ASTN1: variants seen among roughly 807,000 people sequenced by gnomAD.
ASTN1 encodes astrotactin 1.
A neutral mutation model predicts 140.7 loss-of-function variants in ASTN1; 41 were observed. The ratio of observed to expected loss-of-function variants is 0.29; its 90% CI spans 0.23 to 0.38. ASTN1 has a LOEUF of 0.38. ASTN1 is among the 10% of genes least tolerant of loss of function. The pLI, the probability that ASTN1 is intolerant of heterozygous loss-of-function variation, is 1.00. For synonymous variants in ASTN1, 640 were observed against 652.2 expected, an observed-to-expected ratio of 0.98 and a Z score of 0.29; for missense variants, 1,479 against 1,678.8, an observed-to-expected ratio of 0.88 and a Z score of 2.08.
At chr1:177,005,192 T>TA (rs975792353) in intron 8 of ASTN1, among the ~76,000 whole-genome samples, 42 of 151,870 alleles carry the variant, frequency 2.8e-4, no homozygotes, top group African/African-American at 9.7e-4. Flanking sequence ...TTGACATATT[T>TA]AAAAAAAATA....
chr1:177,145,469 T>C (rs1383206752), intron 1 of ASTN1, among the ~76,000 whole-genome samples: 1 of 152,214 alleles, frequency 6.6e-6, no homozygotes. Context: ...AACCAAGCAC[T>C]CTTCCTTTCT....
At chr1:177,057,553 C>A (rs1295383715) in intron 2 of ASTN1, among the ~76,000 whole-genome samples, 1 of 152,138 alleles carries the variant, frequency 6.6e-6, no homozygotes, top group Non-Finnish European at 1.5e-5. Context: ...CCCTCTTGCA[C>A]ATATTGGAAA....
chr1:176,884,490 C>G lies in ASTN1; in HGVS notation c.3075G>C (p.Val1025=), dbSNP rs1668947962. The G allele has an allele frequency of 6.2e-7, 1 of 1,607,614 alleles. No individual in the cohort carries two copies. The highest frequency in any genetic ancestry group is 8.5e-7 in the Non-Finnish European group (1 of 1,174,888). The change falls in exon 19 of 23, where the codon GTG becomes GTC. Residue 1025 remains valine (V), a splice_region_variant and synonymous_variant. Coordinates refer to ENST00000361833, the MANE Select transcript of ASTN1 (RefSeq NM_004319.3). ...LPTCAPLPQP[V]LRLSTVHEPS... Reference sequence around the variant, plus strand: ...GCTCGTGAACCGTGGAGAGTCTCAGCCTGTGTGCAGACAGGAAGGAACATG... The same window carrying G: ...GCTCGTGAACCGTGGAGAGTCTCAGGCTGTGTGCAGACAGGAAGGAACATG...
intron 20 of ASTN1, among the ~76,000 whole-genome samples, chr1:176,880,402 G>T (rs1238105888): frequency 1.3e-5 from 2 of 152,040 alleles, no homozygotes; most frequent in African/African-American, 4.8e-5. Flanking sequence ...TTATCTGTCT[G>T]CTGTCACACG....
chr1:177,145,060 T>C (rs1682661296), intron 1 of ASTN1, among the ~76,000 whole-genome samples: 1 of 152,174 alleles, frequency 6.6e-6, no homozygotes, highest in Non-Finnish European at 1.5e-5. Flanking sequence ...GACCCCAGGA[T>C]TGCCTAGCCC....
At chr1:177,084,809 T>C (rs992187253) in intron 1 of ASTN1, among the ~76,000 whole-genome samples, 2 of 152,138 alleles carry the variant, frequency 1.3e-5, no homozygotes, top group African/African-American at 4.8e-5. Flanking sequence ...TCTTACTGCC[T>C]TCTTTTTTTT....
At chr1:177,005,003 G>T (rs1015972965) in intron 8 of ASTN1, among the ~76,000 whole-genome samples, 4 of 152,074 alleles carry the variant, frequency 2.6e-5, no homozygotes, top group Non-Finnish European at 5.9e-5. Flanking sequence ...AAAAGCTTCT[G>T]CACAGCAAAA....
At chr1:177,070,585 G>GTATCTAC (rs3041041) in intron 1 of ASTN1, among the ~76,000 whole-genome samples, 7 of 152,154 alleles carry the variant, frequency 4.6e-5, no homozygotes, top group Non-Finnish European at 1.5e-5. Context: ...AAGTAATAAT[G>GTATCTAC]TATGCACTGG....
At chr1:177,000,052 T>G (rs1383868624) in intron 8 of ASTN1, among the ~76,000 whole-genome samples, 1 of 152,210 alleles carries the variant, frequency 6.6e-6, no homozygotes, top group African/African-American at 2.4e-5. Flanking sequence ...AGCTAATACA[T>G]GGGATCACAA....
At chr1:177,056,542 T>A (rs1234772326) in intron 2 of ASTN1, among the ~76,000 whole-genome samples, 1 of 149,666 alleles carries the variant, frequency 6.7e-6, no homozygotes, top group Middle Eastern at 3.5e-3. Context: ...CCAGTGGGAG[T>A]TATCAATACA....
chr1:176,904,532 G>A (rs978855771), intron 16 of ASTN1, among the ~76,000 whole-genome samples: 10 of 152,104 alleles, frequency 6.6e-5, no homozygotes, highest in Non-Finnish European at 1.3e-4. Context: ...TGCGGGATTT[G>A]CTATTTCCAA....
intron 8 of ASTN1, among the ~76,000 whole-genome samples, chr1:176,998,024 T>G (rs1364589973): frequency 1.3e-5 from 2 of 152,186 alleles, no homozygotes; most frequent in Non-Finnish European, 2.9e-5. Context: ...ATGCTGGGTC[T>G]GTCTTGCTAG....
intron 1 of ASTN1, among the ~76,000 whole-genome samples, chr1:177,129,130 T>A (rs1235804216): frequency 1.3e-5 from 2 of 152,160 alleles, no homozygotes; most frequent in Admixed American, 1.3e-4. Flanking sequence ...TATAGTGGAA[T>A]TCATCTTATT....
At chr1:177,149,162 A>G (rs1682866914) in intron 1 of ASTN1, among the ~76,000 whole-genome samples, 1 of 121,172 alleles carries the variant, frequency 8.3e-6, no homozygotes, top group Admixed American at 9.8e-5. Context: ...TATATAGTGT[A>G]TATATAGTAA....
intron 2 of ASTN1, among the ~76,000 whole-genome samples, chr1:177,033,854 A>G (rs911627848): frequency 6.6e-6 from 1 of 152,044 alleles, no homozygotes; most frequent in Non-Finnish European, 1.5e-5. Flanking sequence ...CCTTGACATC[A>G]CCGGGGCAGC....
At chr1:176,944,284 T>TA (rs1671861399) in intron 13 of ASTN1, among the ~76,000 whole-genome samples, 1 of 151,968 alleles carries the variant, frequency 6.6e-6, no homozygotes, top group Non-Finnish European at 1.5e-5. Context: ...TGTTGGGACA[T>TA]TGTCTCACTC....
intron 16 of ASTN1, 37 bp from the exon 17 acceptor site, chr1:176,894,867 CA>C (rs752739208): frequency 1.2e-6 from 2 of 1,607,124 alleles, no homozygotes; most frequent in Non-Finnish European, 8.5e-7. Flanking sequence ...GTGAAGGAGT[CA>C]AAAAAGTAAG....
chr1:177,005,231 C>G (rs146714040), intron 8 of ASTN1, among the ~76,000 whole-genome samples: 118 of 152,116 alleles, frequency 7.8e-4, no homozygotes, highest in African/African-American at 2.6e-3. Context: ...TGTAAAAATG[C>G]TCAACATTAT....
intron 1 of ASTN1, among the ~76,000 whole-genome samples, chr1:177,074,414 A>G (rs761492174): frequency 6.6e-5 from 10 of 152,234 alleles, no homozygotes; most frequent in Admixed American, 2.0e-4. Context: ...GGGAGGATCT[A>G]TCAAAAGCTT....
Sources: allele counts gnomAD v4.1 joint callset (sites outside exome capture counted in the v4.1 genomes callset), GRCh38; gene constraint gnomAD v4.1.1; transcripts MANE v1.5; gene names NCBI Gene and HGNC (gene_info 2026-07-23, HGNC 2026-07-21).